Variants in UNC45A observed in about 807,000 individuals in gnomAD.
The protein encoded by UNC45A is unc-45 myosin chaperone A, also known as protein unc-45 homolog A.
Under a neutral mutation model 103.2 loss-of-function variants are expected in UNC45A, and 78 were observed. That is an observed-to-expected ratio of 0.76 (90% CI 0.63 to 0.91). The LOEUF is 0.91. Ranked by LOEUF, UNC45A falls within the 40% of genes least tolerant of loss-of-function variation. The pLI, the probability that UNC45A is intolerant of heterozygous loss-of-function variation, is 0.00. For synonymous variants in UNC45A, 495 were observed against 504.6 expected, an observed-to-expected ratio of 0.98 and a Z score of 0.25; for missense variants, 1,193 against 1,224.8, an observed-to-expected ratio of 0.97 and a Z score of 0.39.
rs1032369807 is a variant in UNC45A, at chr15:90,953,289, C to T, written c.2556C>T (p.Leu852=). Residue 852 remains leucine, a synonymous_variant, in exon 19 of 20, where the codon CTC becomes CTT. Transcript: ENST00000418476. ...TGCTTACCTCCATGCGGCCCACGCTCTGCAGCCGCATTCCCCAAGTGGTCA... is the reference window on the plus strand; with the variant it reads ...TGCTTACCTCCATGCGGCCCACGCTTTGCAGCCGCATTCCCCAAGTGGTCA... ...LAMLTSMRPT[L]CSRIPQVTTH... 19 of 1,610,648 alleles carry T rather than the reference C, an allele frequency of 1.2e-5. No homozygotes were observed. The highest frequency in any genetic ancestry group is 2.2e-5 in the South Asian group (2 of 90,676).
In UNC45A at chr15:90,950,481, G is replaced by A. The variant is rs1232311177; in HGVS notation, c.2188-19G>A. ...GGGGCTGCGGCAAGTACCCCTGACA[G>A]GTGGGGTGCACATTGCAGATCTATG... On this transcript the variant is annotated intron_variant, in intron 16 of 19. Coordinates refer to ENST00000418476, the MANE Select transcript of UNC45A (RefSeq NM_018671.5). 1.2e-6 allele frequency: 2 copies of A among 1,611,214 alleles called. No individual in the cohort carries two copies. The highest frequency in any genetic ancestry group is 8.5e-7 in the Non-Finnish European group (1 of 1,177,782).
At chr15:90,932,570 C>T (rs185796817), upstream of UNC45A, 1,761 of 1,216,506 alleles carry the variant, frequency 1.4e-3, 28 homozygotes, top group African/African-American at 0.025. Flanking sequence ...ACTGCGGCCG[C>T]AGGGGCAGGG....
chr15:90,950,726 T>TCAC (rs2036860613), intron 17 of UNC45A, 111 bp downstream of exon 17: 1 of 1,052,564 alleles, frequency 9.5e-7, no homozygotes, highest in Non-Finnish European at 1.4e-6. Flanking sequence ...TCTGTGAGCC[T>TCAC]CACAGTGACT....
At chr15:90,947,742 C>A in intron 10 of UNC45A, 54 bp from the exon 11 acceptor site, 1 of 1,396,534 alleles carries the variant, frequency 7.2e-7, no homozygotes, top group Non-Finnish European at 1.0e-6. Flanking sequence ...TGTGGAGGAG[C>A]TCAGCTCCTG....
In UNC45A at chr15:90,946,930, T is replaced by TGG; in HGVS notation, c.1500+19_1500+20dup. 1.3e-6 allele frequency: 1 copy of TGG among 785,004 alleles called. No individual in the cohort carries two copies. The highest frequency in any genetic ancestry group is 3.8e-5 in the East Asian group (1 of 26,622). The allele number at this position is 785,004 out of a possible 1,614,324, so 48.6% of individuals were successfully genotyped here. A position where few individuals can be genotyped will look rare whatever the true frequency, so the allele number is the denominator to read the frequency against. On this transcript the variant is annotated intron_variant, in intron 10 of 19. Transcript: ENST00000418476. The stretch of plus-strand genomic sequence containing the variant: ...GGCGCTAGTGGTGAGACGGTGGGCC[T>TGG]GGGGTGGGTGGGCAGGCAGCCAGGC...
At chr15:90,944,571 G>A (rs1298268927) in intron 8 of UNC45A, among the ~76,000 whole-genome samples, 1 of 152,082 alleles carries the variant, frequency 6.6e-6, no homozygotes. Context: ...TGTGGGTATC[G>A]TGTTCACAAT....
At chr15:90,935,079 C>T, upstream of UNC45A, 2 of 580,354 alleles carry the variant, frequency 3.4e-6, no homozygotes, top group East Asian at 6.2e-5. Flanking sequence ...CCTCTGGGTC[C>T]TCCGCCGCGA....
chr15:90,937,215 A>C (rs1456844320), intron 4 of UNC45A, among the ~76,000 whole-genome samples: 1 of 152,124 alleles, frequency 6.6e-6, no homozygotes, highest in Non-Finnish European at 1.5e-5. Context: ...GTGTGGTGGC[A>C]CACCCTTGTA....
In UNC45A at chr15:90,953,539, G is replaced by A. The variant is rs2037053679; in HGVS notation, c.2658G>A (p.Val886=). The A allele has an allele frequency of 5.6e-6, 9 of 1,614,162 alleles. No homozygotes were observed. The highest frequency in any genetic ancestry group is 1.1e-5 in the South Asian group (1 of 91,082). ...TGCAGCACCGGGGTGCTGTGGTGGT[G>A]CTGAACATGGTGGAGGCCTCGAGGG... ...QELQHRGAVV[V]LNMVEASREI... is the part of the protein sequence containing the mutation. The change falls in exon 20 of 20, where the codon GTG becomes GTA. Residue 886 remains valine (V), a synonymous_variant. Transcript: ENST00000418476.
At chr15:90,949,525 C>CCAGTGCTGTTT in intron 14 of UNC45A, 82 bp downstream of exon 14, 1 of 1,601,094 alleles carries the variant, frequency 6.2e-7, no homozygotes, top group Non-Finnish European at 8.5e-7. Flanking sequence ...GGTGCAGGTT[C>CCAGTGCTGTTT]CAGTGCTGTG....
At chr15:90,932,014 A>G (rs1449189130), upstream of UNC45A, 3 of 1,613,968 alleles carry the variant, frequency 1.9e-6, no homozygotes, top group Non-Finnish European at 2.5e-6. Flanking sequence ...GGGGCCCCTA[A>G]TCCCCATCCC....
At position 90,945,057 on chromosome 15, in the gene UNC45A, ACAT is replaced by A. The variant is rs1472781593; in HGVS notation, c.1196_1198del (p.Ile399del). ...AATTTCCACAGACTTTGTGAAAACT[ACAT>A]CAAGTAAGGAAGTCTGTTTCACCTC... is the stretch of plus-strand genomic sequence containing the variant. On this transcript the variant is annotated inframe_deletion, in exon 9 of 20. Transcript: ENST00000418476. 4.3e-6 allele frequency: 7 copies of A among 1,612,532 alleles called. No homozygotes were observed. The highest frequency in any genetic ancestry group is 5.9e-6 in the Non-Finnish European group (7 of 1,179,926).
Position 90,948,851 on chromosome 15 carries a change from G to A in UNC45A, c.1878+57G>A, listed in dbSNP as rs1354410154. The stretch of plus-strand genomic sequence containing the variant: ...CCCACCATGGGGACAGCTAACCCAG[G>A]GCATCCACAGCAGAACAACCTCCCT... On this transcript the variant is annotated intron_variant, in intron 13 of 19. Coordinates refer to ENST00000418476, the MANE Select transcript of UNC45A (RefSeq NM_018671.5). 5.4e-6 allele frequency: 8 copies of A among 1,494,038 alleles called. No individual in the cohort carries two copies. In the East Asian group the frequency reaches 2.0e-4, roughly 37 times the overall value. 92.5% of individuals were successfully genotyped at this position (1,494,038 alleles called of 1,614,324 possible).
chr15:90,936,605 A>G (rs1307901671), intron 4 of UNC45A, 145 bp downstream of exon 4: 1 of 949,826 alleles, frequency 1.1e-6, no homozygotes, highest in East Asian at 2.7e-5. Context: ...AGATGACAGC[A>G]CATTACTGTT....
chr15:90,944,659 C>T (rs1425902596), intron 8 of UNC45A, among the ~76,000 whole-genome samples: 2 of 152,094 alleles, frequency 1.3e-5, no homozygotes, highest in Non-Finnish European at 2.9e-5. Flanking sequence ...GCGTTTGGCC[C>T]CAGGGGCAGG....
At chr15:90,950,751 G>A in intron 17 of UNC45A, 136 bp downstream of exon 17, 2 of 865,526 alleles carry the variant, frequency 2.3e-6, no homozygotes, top group Non-Finnish European at 3.6e-6. Context: ...CGCATCATTA[G>A]AGAGGAGGCG....
intron 5 of UNC45A, 141 bp downstream of exon 5, chr15:90,939,964 G>A: frequency 1.3e-6 from 1 of 767,550 alleles, no homozygotes; most frequent in Non-Finnish European, 2.1e-6. Flanking sequence ...AGCTCTGAGG[G>A]TCTGGGGCTT....
upstream of UNC45A, chr15:90,931,016 C>T (rs553480439): frequency 4.4e-6 from 2 of 456,494 alleles, no homozygotes; most frequent in South Asian, 4.9e-5. Context: ...TCCCACCATG[C>T]AAAATAGCAA....
At chr15:90,949,617 C>T (rs1189474808) in intron 14 of UNC45A, 37 bp from the exon 15 acceptor site, 1 of 1,612,866 alleles carries the variant, frequency 6.2e-7, no homozygotes, top group East Asian at 2.2e-5. Context: ...TGCCAGAGTC[C>T]CAGAGCTGCC....
Sources: gnomAD v4.1 joint callset for allele counts (sites outside exome capture counted in the v4.1 genomes callset) on GRCh38, gnomAD v4.1.1 for gene constraint, MANE v1.5 for transcripts, NCBI Gene and HGNC (gene_info 2026-07-23, HGNC 2026-07-21) for gene names.